The following EML5 variants were observed in gnomAD, a reference collection of about 807,000 sequenced individuals.
EML5 encodes the protein echinoderm microtubule-associated protein-like 5.
EML5 carries 120 observed loss-of-function variants against 250.0 expected under a neutral mutation model. That is an observed-to-expected ratio of 0.48 (90% CI 0.41 to 0.56). The LOEUF (loss-of-function observed/expected upper bound fraction) is 0.56, where lower values mean the gene tolerates loss of function less well. Ranked by LOEUF, EML5 falls within the 20% of genes least tolerant of loss-of-function variation. The probability of loss-of-function intolerance (pLI) is 0.00; values close to 1 mark genes in which losing one functional copy is unlikely to be tolerated. For missense variants in EML5, 2,006 were observed against 2,437.6 expected, an observed-to-expected ratio of 0.82 and a Z score of 3.73; for synonymous variants, 771 against 806.5, an observed-to-expected ratio of 0.96 and a Z score of 0.75.
At chr14:88,709,973 A>G (rs2093377321) in intron 10 of EML5, among the ~76,000 whole-genome samples, 1 of 152,146 alleles carries the variant, frequency 6.6e-6, no homozygotes, top group African/African-American at 2.4e-5. Flanking sequence ...CCAAATATAA[A>G]TTTTCATTTG....
chr14:88,670,477 T>A (rs1045263741), intron 21 of EML5, among the ~76,000 whole-genome samples: 40 of 151,596 alleles, frequency 2.6e-4, no homozygotes, highest in African/African-American at 9.4e-4. Context: ...AGAAAAAAAA[T>A]GCTGCAAACT....
chr14:88,721,565 T>C (rs749146316), intron 8 of EML5, among the ~76,000 whole-genome samples: 2 of 152,148 alleles, frequency 1.3e-5, no homozygotes, highest in Non-Finnish European at 2.9e-5. Context: ...GCCAGCTATA[T>C]GCGGAAAACT....
intron 1 of EML5, among the ~76,000 whole-genome samples, chr14:88,766,971 T>G (rs954994871): frequency 7.2e-5 from 11 of 152,238 alleles, no homozygotes; most frequent in African/African-American, 2.4e-4. Flanking sequence ...AAATTCAACA[T>G]GTAGGTCATC....
At chr14:88,633,237 A>G (rs2090536664) in intron 33 of EML5, among the ~76,000 whole-genome samples, 1 of 152,092 alleles carries the variant, frequency 6.6e-6, no homozygotes, top group Non-Finnish European at 1.5e-5. Flanking sequence ...TTTTTAACAC[A>G]TTTCTTGCCA....
chr14:88,790,571 C>T (rs1332347402), intron 1 of EML5, among the ~76,000 whole-genome samples: 1 of 152,094 alleles, frequency 6.6e-6, no homozygotes, highest in Non-Finnish European at 1.5e-5. Context: ...TCTCATAACC[C>T]CCAAGGAGTA....
At chr14:88,691,214 G>T (rs956475288) in intron 17 of EML5, among the ~76,000 whole-genome samples, 2 of 152,146 alleles carry the variant, frequency 1.3e-5, no homozygotes. Context: ...TGTCACTGGG[G>T]TAGTGAAGCT....
chr14:88,688,992 C>T (rs551853731), intron 17 of EML5, among the ~76,000 whole-genome samples: 2 of 152,220 alleles, frequency 1.3e-5, no homozygotes, highest in South Asian at 2.1e-4. Flanking sequence ...TAAATATCAT[C>T]CTGTATGTAT....
At chr14:88,710,788 T>G (rs956419155) in intron 10 of EML5, among the ~76,000 whole-genome samples, 5 of 152,218 alleles carry the variant, frequency 3.3e-5, no homozygotes, top group African/African-American at 1.2e-4. Flanking sequence ...TTTATACTTA[T>G]GTCCTTGAAG....
chr14:88,786,927 A>T (rs772177378), intron 1 of EML5, among the ~76,000 whole-genome samples: 6 of 152,260 alleles, frequency 3.9e-5, no homozygotes, highest in Non-Finnish European at 8.8e-5. Flanking sequence ...GAAAAATCAA[A>T]TAAGATGAGA....
intron 7 of EML5, among the ~76,000 whole-genome samples, chr14:88,735,648 A>G (rs2093827592): frequency 6.6e-6 from 1 of 152,190 alleles, no homozygotes; most frequent in Non-Finnish European, 1.5e-5. Context: ...AAATGCACAC[A>G]TCCTTTGACT....
chr14:88,618,592 A>C, intron 40 of EML5, 58 bp downstream of exon 40: 1 of 1,549,170 alleles, frequency 6.5e-7, no homozygotes, highest in Non-Finnish European at 8.7e-7. Flanking sequence ...GCATTCACTA[A>C]CACGAAATGT....
chr14:88,779,621 CTTTG>C (rs537730486), intron 1 of EML5, among the ~76,000 whole-genome samples: 81 of 152,302 alleles, frequency 5.3e-4, no homozygotes, highest in African/African-American at 1.8e-3. Flanking sequence ...CTCCTTGGAA[CTTTG>C]TTTGTCACCC....
chr14:88,680,953 A>G lies in EML5; in HGVS notation c.3124+937T>C, dbSNP rs563489478. Among the ~76,000 whole-genome samples the G allele has an allele frequency of 3.3e-5, 5 of 152,314 alleles. No homozygotes were observed. In the South Asian group the frequency reaches 1.0e-3, roughly 32 times the overall value. Reference sequence around the variant, plus strand: ...AAAAAAACAAGAAAACATCCAAAAGAATGGTAAGAAAAACACAGCAAAATG... The same window carrying G: ...AAAAAAACAAGAAAACATCCAAAAGGATGGTAAGAAAAACACAGCAAAATG... On this transcript the variant is annotated intron_variant, in intron 21 of 43. Transcript: ENST00000554922.
Position 88,722,722 on chromosome 14 carries a change from T to C in EML5, c.1187+3819A>G, listed in dbSNP as rs190074381. 8.0e-4 allele frequency among the ~76,000 whole-genome samples: 121 copies of C among 152,190 alleles called. 2 individuals carry two copies. Among genetic ancestry groups the C allele is most frequent in the Non-Finnish European group, 4.3e-4 (29 of 68,000 alleles). On this transcript the variant is annotated intron_variant, in intron 8 of 43. Coordinates refer to ENST00000554922, the MANE Select transcript of EML5 (RefSeq NM_183387.3). ...TGGAACGCTAAGCTTGTGGGAATTA[T>C]TTATATCTTACTGCTCAAGGTCATT...
chr14:88,649,344 C>A (rs571642171), intron 28 of EML5, among the ~76,000 whole-genome samples: 1 of 152,090 alleles, frequency 6.6e-6, no homozygotes, highest in Non-Finnish European at 1.5e-5. Flanking sequence ...CCTGAGCCAC[C>A]GTGCCCAGCC....
chr14:88,668,040 G>A (rs895063506), intron 21 of EML5, among the ~76,000 whole-genome samples: 1 of 152,174 alleles, frequency 6.6e-6, no homozygotes, highest in Non-Finnish European at 1.5e-5. Context: ...TGAATGTTCT[G>A]GTGGCAGCCA....
At chr14:88,708,508 A>G (rs2093354273) in intron 10 of EML5, among the ~76,000 whole-genome samples, 1 of 152,160 alleles carries the variant, frequency 6.6e-6, no homozygotes. Context: ...AAGAAAGGAA[A>G]AGCAAAGATT....
At chr14:88,663,955 C>T (rs1567086320) in intron 23 of EML5, among the ~76,000 whole-genome samples, 1 of 152,008 alleles carries the variant, frequency 6.6e-6, no homozygotes, top group Non-Finnish European at 1.5e-5. Context: ...ACTTACTGTA[C>T]TATTATTTGA....
At chr14:88,621,053 A>C in intron 38 of EML5, 60 bp downstream of exon 38, 1 of 1,528,266 alleles carries the variant, frequency 6.5e-7, no homozygotes, top group South Asian at 1.3e-5. Context: ...AGCAATTTAG[A>C]ACTTCCAACT....
Sources: gnomAD v4.1 joint callset for allele counts (sites outside exome capture counted in the v4.1 genomes callset) on GRCh38, gnomAD v4.1.1 for gene constraint, MANE v1.5 for transcripts, NCBI Gene and HGNC (gene_info 2026-07-23, HGNC 2026-07-21) for gene names.